USH2A: variants seen among roughly 807,000 people sequenced by gnomAD.
The protein encoded by USH2A is usherin, also known as Usher syndrome 2A (autosomal recessive, mild).
In USH2A, 443 loss-of-function variants were observed where a neutral mutation model predicts 538.9. The ratio of observed to expected loss-of-function variants is 0.82; its 90% confidence interval spans 0.76 to 0.89. USH2A has a LOEUF of 0.89. Ranked by LOEUF, USH2A falls within the 40% of genes least tolerant of loss-of-function variation. The pLI is 0.00. For missense variants in USH2A, 6,633 were observed against 6,324.8 expected, an observed-to-expected ratio of 1.05 and a Z score of -1.65; for synonymous variants, 2,413 against 2,273.5, an observed-to-expected ratio of 1.06 and a Z score of -1.75.
intron 35 of USH2A, among the ~76,000 whole-genome samples, chr1:215,973,239 T>C (rs1667537990): frequency 6.6e-6 from 1 of 152,152 alleles, no homozygotes; most frequent in South Asian, 2.1e-4. Flanking sequence ...TCTTTTATGT[T>C]AGGATTATGT....
rs908265742 is a variant in USH2A at position 215,680,349 on chromosome 1, C to T, written c.12094G>A (p.Gly4032Arg). 5.0e-6 allele frequency: 8 copies of T among 1,613,778 alleles called. No individual in the cohort carries two copies. Among genetic ancestry groups the T allele is most frequent in the East Asian group, 4.5e-5 (2 of 44,892 alleles). Residue 4032 changes from glycine (G) to arginine (R), a missense_variant, in exon 62 of 72, where the codon GGG (glycine) becomes AGG (arginine). Transcript: ENST00000307340. ...CGATATGTTGTGAATGGTTCTAACC[C>T]GTACAGGTGGGCTTGATGGCTTGTT... ...KGTSHQAHLY[G>R]LEPFTTYRIG...
At chr1:215,888,363 C>T in intron 41 of USH2A, 63 bp downstream of exon 41, 11 of 1,601,104 alleles carry the variant, frequency 6.9e-6, no homozygotes, top group Non-Finnish European at 8.5e-6. Context: ...CTCTGTTCAA[C>T]ACAGAGTCAA....
rs1205919329 is a variant in USH2A, at chr1:216,088,899, A to G, written c.4885+114T>C. On this transcript the variant is annotated intron_variant, in intron 23 of 71. Transcript: ENST00000307340. Reference sequence around the variant, plus strand: ...AAAGGCAAATTCAACAGCAATATATATGGAATTGAGTAGAAATTATGGTGA... The same window carrying G: ...AAAGGCAAATTCAACAGCAATATATGTGGAATTGAGTAGAAATTATGGTGA... 9.3e-6 allele frequency: 14 copies of G among 1,498,402 alleles called. No individual in the cohort carries two copies. The East Asian group carries it at 1.8e-4, about 19-fold the overall frequency. 92.8% of individuals were successfully genotyped at this position (1,498,402 alleles called of 1,614,324 possible). A position where few individuals can be genotyped will look rare whatever the true frequency, so the allele number is the denominator to read the frequency against.
intron 3 of USH2A, among the ~76,000 whole-genome samples, chr1:216,417,285 A>C (rs896269221): frequency 6.6e-6 from 1 of 151,706 alleles, no homozygotes; most frequent in African/African-American, 2.4e-5. Context: ...AAAAAAAGTG[A>C]GAAATCAAAG....
At chr1:216,255,390 G>A (rs2036239643) in intron 11 of USH2A, among the ~76,000 whole-genome samples, 1 of 152,142 alleles carries the variant, frequency 6.6e-6, no homozygotes, top group Non-Finnish European at 1.5e-5. Context: ...ACTAAGTCCT[G>A]CCATATTGGG....
chr1:216,002,339 C>T (rs924610548), intron 32 of USH2A, among the ~76,000 whole-genome samples: 2 of 152,152 alleles, frequency 1.3e-5, no homozygotes, highest in Non-Finnish European at 1.5e-5. Context: ...TCTTCATCTT[C>T]GCTCTCTGGT....
chr1:216,298,481 C>A (rs1180916040), intron 9 of USH2A, among the ~76,000 whole-genome samples: 1 of 152,092 alleles, frequency 6.6e-6, no homozygotes, highest in Admixed American at 6.5e-5. Context: ...AGACACAGTC[C>A]TGGCTGCCTT....
intron 38 of USH2A, among the ~76,000 whole-genome samples, chr1:215,929,409 T>A (rs879528928): frequency 4.0e-4 from 61 of 152,036 alleles, no homozygotes; most frequent in Non-Finnish European, 8.2e-4. Flanking sequence ...CATCATCTAA[T>A]ATGCATCACA....
intron 21 of USH2A, among the ~76,000 whole-genome samples, chr1:216,143,008 C>T (rs1050898176): frequency 1.3e-5 from 2 of 152,142 alleles, no homozygotes; most frequent in Admixed American, 1.3e-4. Flanking sequence ...GTCCCCTCTG[C>T]CTTTTTTCCT....
chr1:216,124,969 A>C (rs1010224528), intron 21 of USH2A, among the ~76,000 whole-genome samples: 3 of 152,152 alleles, frequency 2.0e-5, no homozygotes, highest in Non-Finnish European at 1.5e-5. Flanking sequence ...ATTCTTCACT[A>C]TTTTAACAAT....
At chr1:215,980,550 C>G (rs1667726975) in intron 35 of USH2A, among the ~76,000 whole-genome samples, 2 of 152,022 alleles carry the variant, frequency 1.3e-5, no homozygotes, top group South Asian at 4.2e-4. Context: ...TTGCCAGCAC[C>G]CCAGAAATCT....
chr1:216,070,023 AT>A, intron 30 of USH2A, 77 bp downstream of exon 30: 1 of 1,517,332 alleles, frequency 6.6e-7, no homozygotes, highest in Non-Finnish European at 9.0e-7. Context: ...TCTAAAAAAC[AT>A]TTGCAGAAGA....
At chr1:216,084,186 C>T (rs1327955426) in intron 25 of USH2A, among the ~76,000 whole-genome samples, 2 of 151,936 alleles carry the variant, frequency 1.3e-5, no homozygotes, top group African/African-American at 4.8e-5. Flanking sequence ...CTTACACCTC[C>T]CCTTTCATTG....
intron 71 of USH2A, among the ~76,000 whole-genome samples, chr1:215,628,213 T>C (rs76480315): frequency 6.6e-6 from 1 of 152,212 alleles, no homozygotes; most frequent in Non-Finnish European, 1.5e-5. Context: ...TTGTATTTTA[T>C]GCCTTGTTTT....
At chr1:215,729,804 A>C (rs1189933799) in intron 60 of USH2A, among the ~76,000 whole-genome samples, 3 of 151,972 alleles carry the variant, frequency 2.0e-5, no homozygotes, top group Non-Finnish European at 4.4e-5. Context: ...CTAACTTTTA[A>C]AATTTTTTTG....
chr1:216,402,945 C>T lies in USH2A; in HGVS notation c.651+15569G>A, dbSNP rs554447172. ...TTACACATTAAATTACAACACTAAGCTAAATCTAATACTTATATGAGAAAA... is the reference window on the plus strand; with the variant it reads ...TTACACATTAAATTACAACACTAAGTTAAATCTAATACTTATATGAGAAAA... On this transcript the variant is annotated intron_variant, in intron 3 of 71. Transcript: ENST00000307340. Among the ~76,000 whole-genome samples the T allele has an allele frequency of 3.3e-5, 5 of 152,130 alleles. No individual in the cohort carries two copies. The East Asian group carries it at 7.7e-4, about 24-fold the overall frequency.
intron 32 of USH2A, among the ~76,000 whole-genome samples, chr1:216,029,967 G>A (rs79341893): frequency 1.6e-5 from 2 of 124,458 alleles, no homozygotes; most frequent in South Asian, 5.2e-4. Context: ...GTGATAGATA[G>A]ATAGAGAGAG....
At chr1:216,355,198 G>A (rs1190390770) in intron 4 of USH2A, among the ~76,000 whole-genome samples, 1 of 151,884 alleles carries the variant, frequency 6.6e-6, no homozygotes, top group Non-Finnish European at 1.5e-5. Flanking sequence ...AGCTACTCGG[G>A]AGGCTGAGGC....
intron 55 of USH2A, 46 bp downstream of exon 55, chr1:215,779,797 A>G (rs890950734): frequency 1.2e-6 from 2 of 1,606,428 alleles, no homozygotes; most frequent in Non-Finnish European, 1.7e-6. Flanking sequence ...CCTAACCACA[A>G]TGACAGACTC....
Sources: allele counts gnomAD v4.1 joint callset (sites outside exome capture counted in the v4.1 genomes callset), GRCh38; gene constraint gnomAD v4.1.1; transcripts MANE v1.5; gene names NCBI Gene and HGNC (gene_info 2026-07-23, HGNC 2026-07-21).